The following SOCS7 variants were observed in gnomAD, a reference collection of about 807,000 sequenced individuals.
SOCS7 encodes the protein NAP-4.
SOCS7 carries 18 observed loss-of-function variants against 58.9 expected under a neutral mutation model. That is an observed-to-expected ratio of 0.31 (90% confidence interval 0.21 to 0.45). SOCS7 has a LOEUF of 0.45. SOCS7 is among the 20% of genes least tolerant of loss of function. The pLI is 1.00. For missense variants in SOCS7, 667 were observed against 837.3 expected, an observed-to-expected ratio of 0.80 and a Z score of 2.51; for synonymous variants, 388 against 364.3, an observed-to-expected ratio of 1.06 and a Z score of -0.74.
At chr17:38,362,722 G>T (rs2037736125) in intron 2 of SOCS7, among the ~76,000 whole-genome samples, 1 of 152,206 alleles carries the variant, frequency 6.6e-6, no homozygotes, top group Admixed American at 6.5e-5. Flanking sequence ...AGTGGAGAAG[G>T]AGGTCTCTGT....
At chr17:38,366,074 GC>G in intron 4 of SOCS7, 2 of 1,261,046 alleles carry the variant, frequency 1.6e-6, no homozygotes, top group African/African-American at 1.5e-5. Flanking sequence ...GGGGTCAAGT[GC>G]CCCCACCCAT....
At position 38,389,886 on chromosome 17, in the gene SOCS7, C is replaced by CAT. The variant is rs1237921307; in HGVS notation, c.1682-5411_1682-5410dup. On this transcript the variant is annotated intron_variant, in intron 7 of 9. Coordinates refer to ENST00000612932, the MANE Select transcript of SOCS7 (RefSeq NM_014598.4). ...GTGTGTACATATATATATATATGTA[C>CAT]ATATATATATATACACATATAGAGA... Among the ~76,000 whole-genome samples the CAT allele has an allele frequency of 4.1e-4, 34 of 83,346 alleles. 1 individual carries two copies. The highest frequency in any genetic ancestry group is 9.1e-4 in the African/African-American group (13 of 14,364). The allele number at this position is 83,346 out of a possible 152,430, so 54.7% of individuals were successfully genotyped here.
At chr17:38,395,659 C>G (rs770836609) in intron 8 of SOCS7, among the ~76,000 whole-genome samples, 189 bp from the exon 9 acceptor site, 2 of 152,136 alleles carry the variant, frequency 1.3e-5, no homozygotes, top group African/African-American at 2.4e-5. Flanking sequence ...AGCCTTCCTT[C>G]TGCAGTCTCT....
chr17:38,353,217 TAA>T (rs1725747289), intron 1 of SOCS7, among the ~76,000 whole-genome samples, 185 bp downstream of exon 1: 2 of 152,218 alleles, frequency 1.3e-5, no homozygotes, highest in African/African-American at 2.4e-5. Flanking sequence ...CTTTCACTCT[TAA>T]AGAGTGCACA....
rs2037790299 is a variant in SOCS7 at position 38,366,379 on chromosome 17, T to C, written c.1345T>C (p.Ser449Pro). 6.2e-7 allele frequency: 1 copy of C among 1,614,112 alleles called. No homozygotes were observed. ...CCAGTGTCCCCTCTACCGGCCTGACTCGAGCAGCTTTGCAGCCAGCCTTCG... is the reference window on the plus strand; with the variant it reads ...CCAGTGTCCCCTCTACCGGCCTGACCCGAGCAGCTTTGCAGCCAGCCTTCG... Reference protein sequence around the residue: ...HLQCPLYRPDSSSFAASLREL... With the variant: ...HLQCPLYRPDPSSFAASLREL... Residue 449 changes from serine to proline, a missense_variant, in exon 5 of 10, where the codon TCG (serine) becomes CCG (proline). By Grantham distance (74) the Ser-to-Pro change is moderately conservative. Around this residue, in one of 9 missense-constraint regions of SOCS7, gnomAD observed 76 missense variants for 194.5 expected, o/e 0.39. Coordinates refer to ENST00000612932, the MANE Select transcript of SOCS7 (RefSeq NM_014598.4).
intron 1 of SOCS7, among the ~76,000 whole-genome samples, chr17:38,356,114 C>A (rs1028543895): frequency 2.6e-5 from 4 of 152,026 alleles, no homozygotes; most frequent in Non-Finnish European, 5.9e-5. Flanking sequence ...TGGTCCCGAA[C>A]TCCTGACCTC....
At position 38,395,588 on chromosome 17, in the gene SOCS7, G is replaced by A. The variant is rs1250972858; in HGVS notation, c.1817+144G>A. The A allele has an allele frequency of 4.0e-5, 39 of 966,200 alleles. No individual in the cohort carries two copies. The South Asian group carries it at 5.5e-4, about 14-fold the overall frequency. The allele number at this position is 966,200 out of a possible 1,614,324, so 59.9% of individuals were successfully genotyped here. On this transcript the variant is annotated intron_variant, in intron 8 of 9. Transcript: ENST00000612932. The stretch of plus-strand genomic sequence containing the variant: ...GATGTCATTCTTACACATTTCCTGT[G>A]TCTTAGCACCTAACTCTAGAACTGT...
intron 1 of SOCS7, among the ~76,000 whole-genome samples, chr17:38,353,955 CTTTTGAGAA>C (rs879727971): frequency 2.6e-5 from 4 of 152,114 alleles, no homozygotes; most frequent in Non-Finnish European, 5.9e-5. Context: ...CTCTCAAAGC[CTTTTGAGAA>C]TTCTAAGTAC....
rs2038103315 is a variant in SOCS7 at position 38,388,022 on chromosome 17, T to C, written c.1682-7287T>C. Among the ~76,000 whole-genome samples the C allele has an allele frequency of 9.9e-5, 15 of 152,132 alleles. No homozygotes were observed. The South Asian group carries it at 3.1e-3, about 32-fold the overall frequency. On this transcript the variant is annotated intron_variant, in intron 7 of 9. Transcript: ENST00000612932. Reference sequence around the variant, plus strand: ...CCTGACCTCAGGTGATCCAACTGCATTGGCCTCCCAAAGTGCTAGGATTAT... The same window carrying C: ...CCTGACCTCAGGTGATCCAACTGCACTGGCCTCCCAAAGTGCTAGGATTAT...
At chr17:38,365,189 A>G in intron 3 of SOCS7, 119 bp from the exon 4 acceptor site, 1 of 688,108 alleles carries the variant, frequency 1.5e-6, no homozygotes, top group Non-Finnish European at 2.4e-6. Context: ...AGACTGGGTG[A>G]AGGTTGGGCC....
intron 7 of SOCS7, among the ~76,000 whole-genome samples, chr17:38,387,093 AAAAAAAAAAAT>A (rs1432242758): frequency 7.9e-5 from 8 of 100,862 alleles, no homozygotes; most frequent in African/African-American, 3.7e-4. Context: ...AAAAAAAAAA[AAAAAAAAAAAT>A]ATATATATAT....
At chr17:38,397,667 G>T (rs763232058) in intron 9 of SOCS7, among the ~76,000 whole-genome samples, 18 of 152,224 alleles carry the variant, frequency 1.2e-4, no homozygotes, top group Non-Finnish European at 2.4e-4. Flanking sequence ...CTGTATATTT[G>T]TGTTTATTTG....
At position 38,395,864 on chromosome 17, in the gene SOCS7, A is replaced by G. The variant is rs1449214073; in HGVS notation, c.1834A>G (p.Ile612Val). The G allele has an allele frequency of 5.6e-6, 9 of 1,611,188 alleles. No individual in the cohort carries two copies. The highest frequency in any genetic ancestry group is 6.8e-6 in the Non-Finnish European group (8 of 1,179,332). Reference protein sequence around the residue: ...LPLPKPLISYIRKFYYYDPQE... With the variant: ...LPLPKPLISYVRKFYYYDPQE... ...TTTTCACAGACCTCTGATCTCTTAT[A>G]TCCGAAAGTTCTACTACTATGATCC... The change falls in exon 9 of 10, where the codon ATC (isoleucine) becomes GTC (valine). Residue 612 changes from isoleucine to valine, a missense_variant. Ile to Val is a conservative substitution (Grantham distance 29). Around this residue, in one of 9 missense-constraint regions of SOCS7, gnomAD observed 40 missense variants for 45.6 expected, o/e 0.88. Transcript: ENST00000612932.
At chr17:38,374,879 C>T (rs1373748811) in intron 6 of SOCS7, among the ~76,000 whole-genome samples, 1 of 152,230 alleles carries the variant, frequency 6.6e-6, no homozygotes, top group South Asian at 2.1e-4. Context: ...TTATTTTAGA[C>T]TTGGACCCTT....
chr17:38,361,725 CAAG>C lies in SOCS7; in HGVS notation c.998_1000del (p.Arg333del), dbSNP rs1361019163. 2 of 1,613,628 alleles carry C rather than the reference CAAG, an allele frequency of 1.2e-6. No homozygotes were observed. Among genetic ancestry groups the C allele is most frequent in the East Asian group, 4.5e-5 (2 of 44,880 alleles). Reference sequence around the variant, plus strand: ...TCACTCCCTAGGAAACCCAAGTTGACAAGAACTCAAAGTGCCTTTTCTCCGGTC... The same window carrying C: ...TCACTCCCTAGGAAACCCAAGTTGACAACTCAAAGTGCCTTTTCTCCGGTC... On this transcript the variant is annotated inframe_deletion, in exon 2 of 10. Transcript: ENST00000612932.
rs895985396 is a variant in SOCS7, at chr17:38,390,511, T to C, written c.1682-4798T>C. Among the ~76,000 whole-genome samples the C allele has an allele frequency of 3.3e-5, 5 of 152,150 alleles. No homozygotes were observed. In the East Asian group the frequency reaches 5.8e-4, roughly 18 times the overall value. On this transcript the variant is annotated intron_variant, in intron 7 of 9. Coordinates refer to ENST00000612932, the MANE Select transcript of SOCS7 (RefSeq NM_014598.4). ...TGTGGAGTTGAGTCAGTACATCAAT[T>C]TGGGGAGGGAATATTGGCATGTCAA...
chr17:38,366,777 T>C (rs1250496072), intron 5 of SOCS7, among the ~76,000 whole-genome samples: 1 of 152,176 alleles, frequency 6.6e-6, no homozygotes, highest in Non-Finnish European at 1.5e-5. Context: ...ATTATAGGCG[T>C]AAGCCACCAC....
At chr17:38,379,179 A>C (rs938058416) in intron 7 of SOCS7, among the ~76,000 whole-genome samples, 2 of 148,300 alleles carry the variant, frequency 1.3e-5, no homozygotes, top group Non-Finnish European at 3.0e-5. Flanking sequence ...ACAAAAAAAA[A>C]CAAAAAAAAA....
rs1555568046 is a variant in SOCS7 at position 38,364,778 on chromosome 17, G to A, written c.1072G>A (p.Asp358Asn). 2.5e-6 allele frequency: 4 copies of A among 1,613,958 alleles called. No individual in the cohort carries two copies. The highest frequency in any genetic ancestry group is 1.7e-6 in the Non-Finnish European group (2 of 1,179,986). Residue 358 changes from aspartate (D) to asparagine (N), a missense_variant, in exon 3 of 10, where the codon GAC becomes AAC. Asp to Asn is a conservative substitution (Grantham distance 23, BLOSUM62 1). This residue lies in a region of SOCS7 where 99 missense variants were observed against 122.9 expected (regional missense o/e 0.81). Transcript: ENST00000612932. ...TGAAACTGTGTCGCTTGTGGATGTG[G>A]ACATTTCTCAGCGGGGCCTGACCTC... ...TGETVSLVDV[D>N]ISQRGLTSPH...
Sources: allele counts gnomAD v4.1 joint callset (sites outside exome capture counted in the v4.1 genomes callset), GRCh38; gene constraint gnomAD v4.1.1; regional missense constraint gnomAD v4.1.1; transcripts MANE v1.5; gene names NCBI Gene and HGNC (gene_info 2026-07-23, HGNC 2026-07-21).